MTMR12: variants seen among roughly 807,000 people sequenced by gnomAD.
The protein encoded by MTMR12 is myotubularin-related protein 12.
MTMR12 carries 33 observed loss-of-function variants against 96.7 expected under a neutral mutation model. That is an observed-to-expected ratio of 0.34 (90% CI 0.26 to 0.46). The LOEUF (loss-of-function observed/expected upper bound fraction) is 0.46, where lower values mean the gene tolerates loss of function less well. Ranked by LOEUF, MTMR12 falls within the 20% of genes least tolerant of loss-of-function variation. The probability of loss-of-function intolerance (pLI) is 1.00; values close to 1 mark genes in which losing one functional copy is unlikely to be tolerated. For synonymous variants in MTMR12, 298 were observed against 327.2 expected (o/e 0.91, Z 0.96); for missense variants, 721 against 896.1 (o/e 0.80, Z 2.49).
Position 32,242,177 on chromosome 5 carries a change from A to G in MTMR12, c.1101-50T>C, listed in dbSNP as rs1561746864. ...AGGGGCATTAGTTCATGAGCTTGGT[A>G]ACACAAACACTACGTAGTTGAGAGA... On this transcript the variant is annotated intron_variant, in intron 11 of 15. Coordinates refer to ENST00000382142, the MANE Select transcript of MTMR12 (RefSeq NM_001040446.3). The G allele has an allele frequency of 2.9e-6, 4 of 1,377,720 alleles. No homozygotes were observed. The South Asian group carries it at 4.7e-5, about 16-fold the overall frequency. 85.3% of individuals were successfully genotyped at this position (1,377,720 alleles called of 1,614,324 possible). A position where few individuals can be genotyped will look rare whatever the true frequency, so the allele number is the denominator to read the frequency against.
At chr5:32,286,914 CT>C in intron 1 of MTMR12, among the ~76,000 whole-genome samples, 1 of 152,318 alleles carries the variant, frequency 6.6e-6, no homozygotes, top group African/African-American at 2.4e-5. Context: ...CACCTGCTCT[CT>C]TCCACGCACA....
intron 1 of MTMR12, among the ~76,000 whole-genome samples, chr5:32,278,233 C>G (rs754597714): frequency 3.9e-5 from 6 of 152,224 alleles, no homozygotes; most frequent in Non-Finnish European, 7.3e-5. Flanking sequence ...ACCTCAGTCT[C>G]CTTGAACTTC....
chr5:32,270,794 TA>T, intron 5 of MTMR12, 22 bp downstream of exon 5: 2 of 1,586,122 alleles, frequency 1.3e-6, no homozygotes, highest in South Asian at 1.2e-5. Flanking sequence ...AAATAAAACC[TA>T]AAAACACATG....
intron 6 of MTMR12, among the ~76,000 whole-genome samples, chr5:32,266,215 TGTTTTG>T (rs1293493413): frequency 6.6e-6 from 1 of 152,212 alleles, no homozygotes; most frequent in Non-Finnish European, 1.5e-5. Flanking sequence ...TGTTTTGTTT[TGTTTTG>T]TTTTTTAACT....
chr5:32,292,705 G>A (rs1179921570), intron 1 of MTMR12, among the ~76,000 whole-genome samples: 2 of 152,184 alleles, frequency 1.3e-5, no homozygotes, highest in African/African-American at 2.4e-5. Context: ...GTCCAGGCAG[G>A]ACTACAAATG....
intron 1 of MTMR12, among the ~76,000 whole-genome samples, chr5:32,288,461 T>C (rs78466698): frequency 0.015 from 2,236 of 152,284 alleles, 38 homozygotes; most frequent in East Asian, 0.07. Flanking sequence ...TGTTTGCTTC[T>C]AGACCTATAA....
At chr5:32,277,767 G>T (rs1750118141) in intron 1 of MTMR12, among the ~76,000 whole-genome samples, 1 of 152,104 alleles carries the variant, frequency 6.6e-6, no homozygotes, top group South Asian at 2.1e-4. Context: ...CTTCCAGTGA[G>T]GATCAAGGGT....
At chr5:32,296,494 G>GA (rs776571044) in intron 1 of MTMR12, 932 of 351,700 alleles carry the variant, frequency 2.6e-3, no homozygotes, top group South Asian at 3.7e-3. Context: ...AAAGAAACGA[G>GA]AAAAAAAAAG....
intron 1 of MTMR12, among the ~76,000 whole-genome samples, chr5:32,299,705 T>G (rs1751063662): frequency 6.6e-6 from 1 of 152,172 alleles, no homozygotes; most frequent in African/African-American, 2.4e-5. Context: ...GAAGGAATCC[T>G]CATAGAATCT....
chr5:32,285,508 A>G (rs902754232), intron 1 of MTMR12, among the ~76,000 whole-genome samples: 7 of 152,010 alleles, frequency 4.6e-5, no homozygotes, highest in African/African-American at 1.7e-4. Flanking sequence ...TGTTATGGCT[A>G]CTTTTTATTT....
In MTMR12 at chr5:32,312,587, C is replaced by G. The variant is rs1288990631; in HGVS notation, c.81+171G>C. Among the ~76,000 whole-genome samples, 2 of 152,070 alleles carry G rather than the reference C, an allele frequency of 1.3e-5. No individual in the cohort carries two copies. The highest frequency in any genetic ancestry group is 2.9e-5 in the Non-Finnish European group (2 of 67,972). On this transcript the variant is annotated intron_variant, in intron 1 of 15. Coordinates refer to ENST00000382142, the MANE Select transcript of MTMR12 (RefSeq NM_001040446.3). The surrounding 1 kb of genome is among the most constrained non-coding windows in gnomAD (Gnocchi z 5.0). ...CTGCGCCGGGGTCCCCATTCCGGCC[C>G]GCGCGGAGGCCCCAGCGCGCTCCTG...
At chr5:32,304,919 G>A (rs188742260) in intron 1 of MTMR12, among the ~76,000 whole-genome samples, 3 of 152,270 alleles carry the variant, frequency 2.0e-5, no homozygotes, top group Admixed American at 6.5e-5. Context: ...ACAGATCATC[G>A]GGCTAAAGCC....
At chr5:32,306,986 A>T (rs1224934282) in intron 1 of MTMR12, among the ~76,000 whole-genome samples, 2 of 152,178 alleles carry the variant, frequency 1.3e-5, no homozygotes. Flanking sequence ...CCAGTTTCAA[A>T]GGTCTAATTT....
At chr5:32,265,217 T>G (rs1187004468) in intron 6 of MTMR12, among the ~76,000 whole-genome samples, 3 of 152,200 alleles carry the variant, frequency 2.0e-5, no homozygotes, top group African/African-American at 4.8e-5. Context: ...AATTAGCATC[T>G]ACGAGTTATA....
chr5:32,238,532 A>G (rs2111992886), intron 13 of MTMR12, among the ~76,000 whole-genome samples: 1 of 152,304 alleles, frequency 6.6e-6, no homozygotes, highest in East Asian at 1.9e-4. Context: ...ATGGAATGCA[A>G]ATATTCCAAA....
In MTMR12 at chr5:32,255,997, T is replaced by A. The variant is rs79372571; in HGVS notation, c.714-229A>T. On this transcript the variant is annotated intron_variant, in intron 7 of 15. Transcript: ENST00000382142. The stretch of plus-strand genomic sequence containing the variant: ...AACTGTGGCTCTGCCTGCAATTCTG[T>A]ACAACCCCAGGTAAGTTATTCTACC... 6.9e-3 allele frequency: 2,411 copies of A among 347,226 alleles called. 60 individuals are homozygous for A. Among genetic ancestry groups the A allele is most frequent in the African/African-American group, 0.048 (2,235 of 46,938 alleles). The allele number at this position is 347,226 out of a possible 1,614,324, so 21.5% of individuals were successfully genotyped here. A position where few individuals can be genotyped will look rare whatever the true frequency, so the allele number is the denominator to read the frequency against.
rs1171986688 is a variant in MTMR12 at position 32,297,532 on chromosome 5, G to A, written c.81+15226C>T. On this transcript the variant is annotated intron_variant, in intron 1 of 15. Transcript: ENST00000382142. ...ATCCTTTTCTTCACATTTAGACCCT[G>A]CTTTTTTCCTGACCTCAGGTTTTTT... 2.7e-5 allele frequency among the ~76,000 whole-genome samples: 4 copies of A among 149,304 alleles called. No individual in the cohort carries two copies. The Admixed American group carries it at 2.7e-4, about 10-fold the overall frequency.
intron 1 of MTMR12, among the ~76,000 whole-genome samples, chr5:32,300,354 G>A (rs566470003): frequency 6.6e-6 from 1 of 152,232 alleles, no homozygotes; most frequent in African/African-American, 2.4e-5. Flanking sequence ...AGGAAGTCTC[G>A]GATAGGTGAA....
chr5:32,249,094 T>G (rs2112023031), intron 8 of MTMR12, among the ~76,000 whole-genome samples: 1 of 152,340 alleles, frequency 6.6e-6, no homozygotes, highest in South Asian at 2.1e-4. Context: ...AGACACAGAC[T>G]TATGGTCTAA....
Sources: gnomAD v4.1 joint callset for allele counts (sites outside exome capture counted in the v4.1 genomes callset) on GRCh38, gnomAD v4.1.1 for gene constraint, Gnocchi (gnomAD v3.1) non-coding constraint, MANE v1.5 for transcripts, NCBI Gene and HGNC (gene_info 2026-07-23, HGNC 2026-07-21) for gene names.